The following ATP8A2 variants were observed in gnomAD, a reference collection of about 807,000 sequenced individuals.
ATP8A2 encodes the protein ATPase phospholipid transporting 8A2, also known as phospholipid-transporting ATPase IB.
In ATP8A2, 100 loss-of-function variants were observed where a neutral mutation model predicts 165.6. That is an observed-to-expected ratio of 0.60 (90% confidence interval 0.51 to 0.71). The LOEUF (loss-of-function observed/expected upper bound fraction) is 0.71, where lower values mean the gene tolerates loss of function less well. Among genes scored for constraint, ATP8A2 ranks in the 30% least tolerant of loss-of-function variants. The pLI, the probability that ATP8A2 is intolerant of heterozygous loss-of-function variation, is 0.00. For synonymous variants in ATP8A2, 543 were observed against 548.8 expected, an observed-to-expected ratio of 0.99 and a Z score of 0.15; for missense variants, 1,227 against 1,479.5, an observed-to-expected ratio of 0.83 and a Z score of 2.80.
intron 33 of ATP8A2, among the ~76,000 whole-genome samples, chr13:25,867,473 A>G (rs1246298325): frequency 6.6e-6 from 1 of 152,058 alleles, no homozygotes; most frequent in Non-Finnish European, 1.5e-5. Context: ...TCTGTGGAGG[A>G]TGGGAGCTTA....
At chr13:25,671,928 C>T (rs1003728003) in intron 24 of ATP8A2, among the ~76,000 whole-genome samples, 1 of 152,196 alleles carries the variant, frequency 6.6e-6, no homozygotes, top group Non-Finnish European at 1.5e-5. Context: ...TGGGGTATCA[C>T]GGGACCTACC....
intron 23 of ATP8A2, among the ~76,000 whole-genome samples, chr13:25,586,981 C>T (rs1303298658): frequency 1.3e-5 from 2 of 151,886 alleles, no homozygotes; most frequent in Admixed American, 6.6e-5. Context: ...AAGACTAAAC[C>T]CTTTTGTAGT....
chr13:25,451,670 C>T (rs1257831665), intron 1 of ATP8A2, among the ~76,000 whole-genome samples: 1 of 151,956 alleles, frequency 6.6e-6, no homozygotes, highest in Admixed American at 6.6e-5. Context: ...CACTACAGTA[C>T]AGGTTGAGGG....
At chr13:25,575,913 A>G (rs1464464739) in intron 19 of ATP8A2, among the ~76,000 whole-genome samples, 3 of 152,186 alleles carry the variant, frequency 2.0e-5, no homozygotes, top group Non-Finnish European at 4.4e-5. Flanking sequence ...TTAGATAAAA[A>G]CAGGTGAATA....
chr13:25,520,592 T>G (rs921672650), intron 2 of ATP8A2, among the ~76,000 whole-genome samples: 1 of 130,118 alleles, frequency 7.7e-6, no homozygotes, highest in Non-Finnish European at 1.6e-5. Flanking sequence ...CTATTTTTAG[T>G]TTTTTTTTTT....
In ATP8A2 at chr13:25,372,155, GCCC is replaced by G; in HGVS notation, c.-57_-55del. The G allele has an allele frequency of 7.8e-7, 1 of 1,288,242 alleles. No homozygotes were observed. Among genetic ancestry groups the G allele is most frequent in the African/African-American group, 1.5e-5 (1 of 64,684 alleles). The allele number at this position is 1,288,242 out of a possible 1,614,324, so 79.8% of individuals were successfully genotyped here. A position where few individuals can be genotyped will look rare whatever the true frequency, so the allele number is the denominator to read the frequency against. On this transcript the variant is annotated 5_prime_UTR_variant, in exon 1 of 37. Coordinates refer to ENST00000381655, the MANE Select transcript of ATP8A2 (RefSeq NM_016529.6). This position sits in a 1 kb window ranked among gnomAD's most constrained non-coding sequence, Gnocchi z 4.8. ...CCTCGGGCGGCGGCCCCTGCGCCCA[GCCC>G]TGCGCGTAGCCTCCGTCTCTCGCCC...
At chr13:25,554,327 T>G (rs1407319908) in intron 12 of ATP8A2, among the ~76,000 whole-genome samples, 3 of 152,154 alleles carry the variant, frequency 2.0e-5, no homozygotes, top group Admixed American at 6.5e-5. Flanking sequence ...GATAAGATAT[T>G]TAAAGGACTG....
intron 24 of ATP8A2, among the ~76,000 whole-genome samples, chr13:25,683,305 AT>A (rs1403509810): frequency 6.6e-6 from 1 of 152,168 alleles, no homozygotes; most frequent in Non-Finnish European, 1.5e-5. Context: ...CAGTTCCTAC[AT>A]CACCACTGTC....
chr13:25,510,410 TTAA>T (rs539448099), intron 2 of ATP8A2, among the ~76,000 whole-genome samples: 53 of 152,310 alleles, frequency 3.5e-4, no homozygotes, highest in African/African-American at 1.3e-3. Context: ...GCAAGAGAAC[TTAA>T]TAAGAGCAAA....
intron 1 of ATP8A2, among the ~76,000 whole-genome samples, chr13:25,449,012 A>G (rs2035142302): frequency 6.6e-6 from 1 of 152,146 alleles, no homozygotes; most frequent in Admixed American, 6.6e-5. Flanking sequence ...TTGCTATTAT[A>G]AACAATACTG....
intron 10 of ATP8A2, among the ~76,000 whole-genome samples, chr13:25,546,855 G>A (rs1248626904): frequency 6.6e-6 from 1 of 152,100 alleles, no homozygotes; most frequent in African/African-American, 2.4e-5. Flanking sequence ...TCTGGCCGGG[G>A]GCAGTGGCTC....
Position 26,022,559 on chromosome 13 carries a change from C to G in ATP8A2, c.*2574C>G, listed in dbSNP as rs1030199951. ...ATTAGAAGAGATGCCTTTCTATCCT[C>G]TCATGTGGTTGAGCATTCTTACAGC... On this transcript the variant is annotated 3_prime_UTR_variant, in exon 37 of 37. Transcript: ENST00000381655. 1 of 152,222 alleles carries G rather than the reference C, an allele frequency of 6.6e-6. No homozygotes were observed. Among genetic ancestry groups the G allele is most frequent in the Non-Finnish European group, 1.5e-5 (1 of 68,050 alleles). 9.4% of individuals were successfully genotyped at this position (152,222 alleles called of 1,614,324 possible). A position where few individuals can be genotyped will look rare whatever the true frequency, so the allele number is the denominator to read the frequency against.
At chr13:25,943,089 A>G (rs1955114931) in intron 33 of ATP8A2, among the ~76,000 whole-genome samples, 1 of 152,120 alleles carries the variant, frequency 6.6e-6, no homozygotes, top group Non-Finnish European at 1.5e-5. Flanking sequence ...CATTAGAGGA[A>G]CGAGAGCATG....
intron 1 of ATP8A2, among the ~76,000 whole-genome samples, chr13:25,402,557 A>G (rs1216037842): frequency 6.6e-6 from 1 of 152,210 alleles, no homozygotes; most frequent in Non-Finnish European, 1.5e-5. Context: ...TTATTGGTTC[A>G]ATCTAATTCT....
intron 24 of ATP8A2, among the ~76,000 whole-genome samples, chr13:25,618,381 C>T (rs181234899): frequency 3.3e-5 from 5 of 152,088 alleles, no homozygotes; most frequent in Admixed American, 3.3e-4. Context: ...TTGTTCATGC[C>T]GGGTGTTGTC....
chr13:25,698,872 C>A (rs1278170652), intron 24 of ATP8A2, among the ~76,000 whole-genome samples: 2 of 152,054 alleles, frequency 1.3e-5, no homozygotes, highest in African/African-American at 4.8e-5. Flanking sequence ...CCCCAAAAAG[C>A]ACATTTGTTT....
At chr13:25,802,060 A>G (rs553733923) in intron 27 of ATP8A2, among the ~76,000 whole-genome samples, 16 of 152,336 alleles carry the variant, frequency 1.1e-4, no homozygotes, top group Non-Finnish European at 2.2e-4. Context: ...ACAATTCAAG[A>G]TGAGATTTGG....
intron 22 of ATP8A2, among the ~76,000 whole-genome samples, chr13:25,581,427 A>T (rs531621547): frequency 1.3e-5 from 2 of 152,274 alleles, no homozygotes; most frequent in African/African-American, 4.8e-5. Context: ...TTTGCCAGGT[A>T]AGTGTATTAT....
At position 25,530,625 on chromosome 13, in the gene ATP8A2, A is replaced by C; in HGVS notation, c.385A>C (p.Thr129Pro). 3 of 1,594,162 alleles carry C rather than the reference A, an allele frequency of 1.9e-6. No individual in the cohort carries two copies. The highest frequency in any genetic ancestry group is 2.6e-6 in the Non-Finnish European group (3 of 1,167,324). Residue 129 changes from threonine to proline, a missense_variant, in exon 4 of 37, where the codon ACA (threonine) becomes CCA (proline). Thr to Pro is a conservative substitution (Grantham distance 38). Transcript: ENST00000381655. ...CCTGGTGCCATTGATCATTATTTTA[A>C]CAATTGCAGGCATCAAAGAGATTGT... ...TTLVPLIIILTIAGIKEIVED... is the reference protein window; with the variant it reads ...TTLVPLIIILPIAGIKEIVED...
Sources: gnomAD v4.1 joint callset for allele counts (sites outside exome capture counted in the v4.1 genomes callset) on GRCh38, gnomAD v4.1.1 for gene constraint, Gnocchi (gnomAD v3.1) non-coding constraint, MANE v1.5 for transcripts, NCBI Gene and HGNC (gene_info 2026-07-23, HGNC 2026-07-21) for gene names.